The following ANAPC1 variants were observed in gnomAD, a reference collection of about 807,000 sequenced individuals.
The protein encoded by ANAPC1 is anaphase-promoting complex subunit 1.
A neutral mutation model predicts 208.0 loss-of-function variants in ANAPC1; 36 were observed. That is an observed-to-expected ratio of 0.17 (90% CI 0.13 to 0.23). ANAPC1 has a LOEUF of 0.23. Ranked by LOEUF, ANAPC1 falls within the 10% of genes least tolerant of loss-of-function variation. The pLI is 1.00. For synonymous variants in ANAPC1, 378 were observed against 695.2 expected, an observed-to-expected ratio of 0.54 and a Z score of 7.18; for missense variants, 942 against 2,011.6, an observed-to-expected ratio of 0.47 and a Z score of 10.17.
intron 17 of ANAPC1, among the ~76,000 whole-genome samples, chr2:111,843,200 T>C (rs1489291802): frequency 6.6e-6 from 1 of 152,192 alleles, no homozygotes; most frequent in East Asian, 1.9e-4. Context: ...GCTTTAACAT[T>C]CTAAAGCTCA....
intron 14 of ANAPC1, among the ~76,000 whole-genome samples, chr2:111,848,500 C>T (rs1373699774): frequency 1.3e-5 from 2 of 151,912 alleles, no homozygotes; most frequent in Non-Finnish European, 2.9e-5. Flanking sequence ...TGAGCCGGGG[C>T]ACGCGGTGGC....
chr2:111,875,985 G>C (rs1548189), intron 3 of ANAPC1, among the ~76,000 whole-genome samples: 10 of 152,082 alleles, frequency 6.6e-5, no homozygotes, highest in Admixed American at 1.3e-4. Flanking sequence ...TCAGAATACA[G>C]CATTTCAGGT....
intron 45 of ANAPC1, among the ~76,000 whole-genome samples, chr2:111,778,009 A>C: frequency 6.6e-6 from 1 of 152,294 alleles, no homozygotes; most frequent in Non-Finnish European, 1.5e-5. Context: ...ATACCAAGGC[A>C]AATTTCTGCC....
chr2:111,771,745 A>G (rs1676749636), intron 47 of ANAPC1, among the ~76,000 whole-genome samples: 1 of 151,780 alleles, frequency 6.6e-6, no homozygotes, highest in South Asian at 2.1e-4. Flanking sequence ...TCAAGTTTAA[A>G]TGATTAAATG....
chr2:111,873,048 A>G (rs1682838414), intron 5 of ANAPC1: 1 of 463,334 alleles, frequency 2.2e-6, no homozygotes, highest in East Asian at 3.7e-5. Flanking sequence ...TATTTAATAT[A>G]ACCAAAAGTT....
intron 3 of ANAPC1, among the ~76,000 whole-genome samples, chr2:111,875,889 T>C (rs1240125485): frequency 6.6e-6 from 1 of 152,186 alleles, no homozygotes; most frequent in Non-Finnish European, 1.5e-5. Flanking sequence ...ATAACACAAA[T>C]AGCATCTTCT....
chr2:111,849,760 C>G (rs1681288767), intron 14 of ANAPC1, among the ~76,000 whole-genome samples: 1 of 151,600 alleles, frequency 6.6e-6, no homozygotes, highest in Admixed American at 6.6e-5. Context: ...CTTCATACTT[C>G]TTAAACTGAC....
intron 1 of ANAPC1, among the ~76,000 whole-genome samples, chr2:111,881,602 T>C (rs1683301058): frequency 6.6e-6 from 1 of 152,236 alleles, no homozygotes; most frequent in East Asian, 1.9e-4. Context: ...GTGGATGAAC[T>C]GTTAAAGCCT....
intron 10 of ANAPC1, among the ~76,000 whole-genome samples, chr2:111,859,440 C>T (rs1420433758): frequency 1.3e-5 from 2 of 152,024 alleles, no homozygotes; most frequent in African/African-American, 4.8e-5. Context: ...CATTGCACTC[C>T]AGCCCGGGCA....
chr2:111,771,360 A>G (rs1366257636), intron 47 of ANAPC1, among the ~76,000 whole-genome samples: 2 of 152,096 alleles, frequency 1.3e-5, no homozygotes. Flanking sequence ...AGGGAAAGGT[A>G]TATCCAGAGT....
intron 16 of ANAPC1, among the ~76,000 whole-genome samples, chr2:111,845,310 C>A (rs1444093066): frequency 6.6e-6 from 1 of 152,204 alleles, no homozygotes; most frequent in African/African-American, 2.4e-5. Context: ...TCCTCTCTTC[C>A]AGGATTCTTT....
chr2:111,870,955 C>T (rs894481297), intron 6 of ANAPC1, among the ~76,000 whole-genome samples: 4 of 145,380 alleles, frequency 2.8e-5, no homozygotes, highest in African/African-American at 4.9e-5. Context: ...ATGCCTTTCC[C>T]CCAATTTATG....
chr2:111,824,989 A>C lies in ANAPC1; in HGVS notation c.2789T>G (p.Leu930Trp), dbSNP rs189604622. Residue 930 changes from leucine to tryptophan, a missense_variant, in exon 24 of 48, where the codon TTG becomes TGG. Coordinates refer to ENST00000341068, the MANE Select transcript of ANAPC1 (RefSeq NM_022662.4). Reference sequence around the variant, plus strand: ...ACCTACATTAGTCATCCAGACAACCAATCTTTCAGCTAGACTAGAAACAGA... The same window carrying C: ...ACCTACATTAGTCATCCAGACAACCCATCTTTCAGCTAGACTAGAAACAGA... ...STSVSSLAERLVVWMTNVGFT... is the reference protein window; with the variant it reads ...STSVSSLAERWVVWMTNVGFT... The C allele has an allele frequency of 2.1e-4, 346 of 1,613,974 alleles. 4 individuals carry two copies. The Admixed American group carries it at 5.6e-3, about 26-fold the overall frequency.
At chr2:111,836,446 G>C (rs1455437774) in intron 18 of ANAPC1, among the ~76,000 whole-genome samples, 2 of 151,198 alleles carry the variant, frequency 1.3e-5, no homozygotes, top group Non-Finnish European at 1.5e-5. Context: ...TTTGAGACCA[G>C]CCTGGGCAAC....
rs1678404051 is a variant in ANAPC1 at position 111,800,811 on chromosome 2, T to G, written c.4282A>C (p.Ser1428Arg). The G allele has an allele frequency of 1.7e-6, 1 of 587,766 alleles. No individual in the cohort carries two copies. Among genetic ancestry groups the G allele is most frequent in the Non-Finnish European group, 3.0e-6 (1 of 337,316 alleles). The allele number at this position is 587,766 out of a possible 1,614,324, so 36.4% of individuals were successfully genotyped here. A position where few individuals can be genotyped will look rare whatever the true frequency, so the allele number is the denominator to read the frequency against. ...TATGTACTTACTTGAGGAACATTGC[T>G]GTCAACCCACTTGGAATTTGGTAAA... is the stretch of plus-strand genomic sequence containing the variant. ...DILPNSKWVD[S>R]NVPQIIRENS... Residue 1428 changes from serine (S) to arginine (R), a missense_variant, in exon 34 of 48, where the codon AGC (serine) becomes CGC (arginine). Ser to Arg is a moderately radical substitution (Grantham distance 110). Transcript: ENST00000341068.
At chr2:111,837,261 AT>A in intron 18 of ANAPC1, among the ~76,000 whole-genome samples, 1 of 152,368 alleles carries the variant, frequency 6.6e-6, no homozygotes, top group African/African-American at 2.4e-5. Context: ...TAGAACAGGT[AT>A]AACTAAGATA....
At chr2:111,860,068 C>T (rs1558730088) in intron 10 of ANAPC1, among the ~76,000 whole-genome samples, 1 of 152,068 alleles carries the variant, frequency 6.6e-6, no homozygotes, top group Admixed American at 6.6e-5. Context: ...GAGGCAGAGG[C>T]AAGCAGGTTG....
chr2:111,808,544 A>G (rs1678812388), intron 29 of ANAPC1, among the ~76,000 whole-genome samples: 1 of 151,926 alleles, frequency 6.6e-6, no homozygotes, highest in Non-Finnish European at 1.5e-5. Context: ...CTGTTATCCA[A>G]CACAGTAAAC....
chr2:111,863,997 A>G, intron 8 of ANAPC1, 102 bp from the exon 9 acceptor site: 1 of 1,361,272 alleles, frequency 7.3e-7, no homozygotes, highest in Non-Finnish European at 9.8e-7. Flanking sequence ...GTTACTAAAG[A>G]CACAGTATTT....
Sources: gnomAD v4.1 joint callset for allele counts (sites outside exome capture counted in the v4.1 genomes callset) on GRCh38, gnomAD v4.1.1 for gene constraint, MANE v1.5 for transcripts, NCBI Gene and HGNC (gene_info 2026-07-23, HGNC 2026-07-21) for gene names.